Variants in MAPKAP1 observed in about 807,000 individuals in gnomAD.
MAPKAP1 encodes the protein MAPK associated protein 1, also known as target of rapamycin complex 2 subunit MAPKAP1.
MAPKAP1 carries 20 observed loss-of-function variants against 65.7 expected under a neutral mutation model. The observed-to-expected ratio is 0.30, with a 90% CI of 0.21 to 0.44. MAPKAP1 has a LOEUF of 0.44. Ranked by LOEUF, MAPKAP1 falls within the 20% of genes least tolerant of loss-of-function variation. The probability of loss-of-function intolerance (pLI) is 1.00; values close to 1 mark genes in which losing one functional copy is unlikely to be tolerated. For missense variants in MAPKAP1, 423 were observed against 648.0 expected (o/e 0.65, Z 3.77); for synonymous variants, 222 against 244.3 (o/e 0.91, Z 0.85).
intron 4 of MAPKAP1, among the ~76,000 whole-genome samples, chr9:125,640,257 C>G (rs2131708281): frequency 6.6e-6 from 1 of 152,252 alleles, no homozygotes; most frequent in African/African-American, 2.4e-5. Context: ...GTGCCCGCCA[C>G]CACGCCCGGC....
intron 10 of MAPKAP1, among the ~76,000 whole-genome samples, chr9:125,446,153 T>C (rs531888086): frequency 1.3e-5 from 2 of 152,278 alleles, no homozygotes; most frequent in East Asian, 3.9e-4. Context: ...TCTTGGGGAC[T>C]TTACAGTAGC....
chr9:125,561,859 A>T (rs894593519), intron 5 of MAPKAP1, among the ~76,000 whole-genome samples: 1 of 152,260 alleles, frequency 6.6e-6, no homozygotes, highest in Non-Finnish European at 1.5e-5. Flanking sequence ...AAACTAACTT[A>T]TAGTTGCACC....
At chr9:125,506,511 G>A in intron 7 of MAPKAP1, 94 bp from the exon 8 acceptor site, 6 of 1,050,346 alleles carry the variant, frequency 5.7e-6, no homozygotes, top group Non-Finnish European at 8.7e-6. Context: ...AGCTGATAAA[G>A]CCTTAGTAAA....
rs1171929591 is a variant in MAPKAP1 at position 125,577,058 on chromosome 9, C to A, written c.671+8497G>T. On this transcript the variant is annotated intron_variant, in intron 5 of 11. Transcript: ENST00000265960. Reference sequence around the variant, plus strand: ...GGAGCATCTCTGCCCGGCCGCCATCCCATCTAGGAAGTGAGGAGCGCCTCT... The same window carrying A: ...GGAGCATCTCTGCCCGGCCGCCATCACATCTAGGAAGTGAGGAGCGCCTCT... Among the ~76,000 whole-genome samples, 4 of 151,176 alleles carry A rather than the reference C, an allele frequency of 2.6e-5. No homozygotes were observed. In the East Asian group the frequency reaches 7.8e-4, roughly 30 times the overall value.
intron 5 of MAPKAP1, among the ~76,000 whole-genome samples, chr9:125,561,129 AATTG>A (rs1185800591): frequency 6.6e-6 from 1 of 152,220 alleles, no homozygotes; most frequent in Non-Finnish European, 1.5e-5. Flanking sequence ...AGTGTATGCT[AATTG>A]TTTAATTGGT....
intron 1 of MAPKAP1, among the ~76,000 whole-genome samples, chr9:125,703,769 C>CA (rs1212274126): frequency 0.023 from 1,430 of 61,562 alleles, 29 homozygotes; most frequent in African/African-American, 0.051. Context: ...AAGACTGTCT[C>CA]AAAAAAAAAA....
intron 4 of MAPKAP1, among the ~76,000 whole-genome samples, chr9:125,645,608 G>T (rs979095845): frequency 6.6e-6 from 1 of 151,984 alleles, no homozygotes; most frequent in African/African-American, 2.4e-5. Context: ...GTGGTGGCAG[G>T]TGCCTGTAGT....
At chr9:125,548,175 T>C (rs1456860316) in intron 6 of MAPKAP1, among the ~76,000 whole-genome samples, 1 of 152,230 alleles carries the variant, frequency 6.6e-6, no homozygotes, top group African/African-American at 2.4e-5. Flanking sequence ...AGATCACTCA[T>C]CTATTAAAAA....
chr9:125,572,621 A>C (rs1831268369), intron 5 of MAPKAP1, among the ~76,000 whole-genome samples: 1 of 152,190 alleles, frequency 6.6e-6, no homozygotes, highest in African/African-American at 2.4e-5. Flanking sequence ...GTGATCTCTG[A>C]CTTGTGGTCA....
In MAPKAP1 at chr9:125,654,343, CA is replaced by C. The variant is rs139974052; in HGVS notation, c.498+3307del. Among the ~76,000 whole-genome samples the C allele has an allele frequency of 5.0e-3, 758 of 152,270 alleles. 5 individuals are homozygous for C. Among genetic ancestry groups the C allele is most frequent in the African/African-American group, 0.017 (715 of 41,546 alleles). On this transcript the variant is annotated intron_variant, in intron 4 of 11. Coordinates refer to ENST00000265960, the MANE Select transcript of MAPKAP1 (RefSeq NM_001006617.3). The stretch of plus-strand genomic sequence containing the variant: ...TCTCAACAATGCTTAAGAATTCAGG[CA>C]GATGGCTGAGGCTGGTTTTGCGGAT...
At chr9:125,506,114 A>T (rs1033302226) in intron 8 of MAPKAP1, 196 bp downstream of exon 8, 1 of 627,054 alleles carries the variant, frequency 1.6e-6, no homozygotes, top group Non-Finnish European at 2.9e-6. Context: ...AACAGGATGC[A>T]GCCTCTCTAC....
At chr9:125,631,275 AC>A in intron 4 of MAPKAP1, among the ~76,000 whole-genome samples, 1 of 152,006 alleles carries the variant, frequency 6.6e-6, no homozygotes, top group Admixed American at 6.6e-5. Flanking sequence ...AACCATAAAA[AC>A]CTTTTTGTTT....
chr9:125,627,468 G>A (rs1833147899), intron 4 of MAPKAP1, among the ~76,000 whole-genome samples: 1 of 152,134 alleles, frequency 6.6e-6, no homozygotes, highest in African/African-American at 2.4e-5. Flanking sequence ...AATCTTTCCA[G>A]TTTTAGAGAT....
intron 5 of MAPKAP1, among the ~76,000 whole-genome samples, chr9:125,579,410 G>T (rs1317260629): frequency 6.6e-6 from 1 of 152,162 alleles, no homozygotes; most frequent in African/African-American, 2.4e-5. Context: ...TCCTGCCTCG[G>T]ACTCCCGAGT....
chr9:125,605,464 G>A (rs546987099), intron 4 of MAPKAP1, among the ~76,000 whole-genome samples: 1 of 152,234 alleles, frequency 6.6e-6, no homozygotes, highest in Non-Finnish European at 1.5e-5. Flanking sequence ...TTATGGCTTT[G>A]TGCTGGTGAT....
chr9:125,501,086 G>C (rs895114633), intron 8 of MAPKAP1, among the ~76,000 whole-genome samples: 1 of 152,066 alleles, frequency 6.6e-6, no homozygotes, highest in Non-Finnish European at 1.5e-5. Flanking sequence ...CTCACTATAC[G>C]ATCTTTATCT....
chr9:125,682,037 C>T (rs1362418061), intron 1 of MAPKAP1, among the ~76,000 whole-genome samples: 2 of 152,174 alleles, frequency 1.3e-5, no homozygotes, highest in Non-Finnish European at 2.9e-5. Flanking sequence ...GTTGGGATCA[C>T]AGGCATGAGC....
intron 5 of MAPKAP1, among the ~76,000 whole-genome samples, chr9:125,584,036 C>T (rs1185910313): frequency 6.6e-6 from 1 of 151,658 alleles, no homozygotes; most frequent in East Asian, 1.9e-4. Flanking sequence ...GCACTCCAGC[C>T]TGGGCGACAG....
In MAPKAP1 at chr9:125,439,319, C is replaced by T. The variant is rs957791957; in HGVS notation, c.1444-307G>A. On this transcript the variant is annotated intron_variant, in intron 11 of 11. Transcript: ENST00000265960. This position sits in a 1 kb window ranked among gnomAD's most constrained non-coding sequence, Gnocchi z 4.0. ...CCTGGCGTGAGCCACTCCCGGAAGG[C>T]TGTGCCCTGGGCTGCCTGGCTATGC... Among the ~76,000 whole-genome samples the T allele has an allele frequency of 6.6e-5, 10 of 152,266 alleles. No homozygotes were observed. The highest frequency in any genetic ancestry group is 1.5e-4 in the Non-Finnish European group (10 of 68,040).
Sources: gnomAD v4.1 joint callset for allele counts (sites outside exome capture counted in the v4.1 genomes callset) on GRCh38, gnomAD v4.1.1 for gene constraint, Gnocchi (gnomAD v3.1) non-coding constraint, MANE v1.5 for transcripts, NCBI Gene and HGNC (gene_info 2026-07-23, HGNC 2026-07-21) for gene names.